ZDHHC17: variants seen among roughly 807,000 people sequenced by gnomAD.
ZDHHC17 encodes zDHHC palmitoyltransferase 17, also known as palmitoyltransferase ZDHHC17.
Under a neutral mutation model 90.3 loss-of-function variants are expected in ZDHHC17, and 40 were observed. The observed-to-expected ratio is 0.44, with a 90% CI of 0.34 to 0.58. The LOEUF (loss-of-function observed/expected upper bound fraction) is 0.58. ZDHHC17 is among the 20% of genes least tolerant of loss of function. ZDHHC17 has a pLI of 0.01. For synonymous variants in ZDHHC17, 235 were observed against 252.4 expected (o/e 0.93, Z 0.65); for missense variants, 614 against 780.8 (o/e 0.79, Z 2.55).
At chr12:76,850,398 A>T (rs1953549720) in intron 16 of ZDHHC17, among the ~76,000 whole-genome samples, 1 of 151,972 alleles carries the variant, frequency 6.6e-6, no homozygotes, top group Non-Finnish European at 1.5e-5. Context: ...CCTGCCAAAG[A>T]GCCACTAATT....
In ZDHHC17 at chr12:76,848,243, C is replaced by G; in HGVS notation, c.1518C>G (p.Leu506=). The part of the protein sequence containing the change: ...MIYGCISYWG[L]HCETTYTKDG... The stretch of plus-strand genomic sequence containing the variant: ...CTGTTCTGGCTTTAGACTGGGGACT[C>G]CACTGTGAGACCACTTACACCAAGG... Residue 506 remains leucine, a synonymous_variant, in exon 15 of 17, where the codon CTC becomes CTG. Coordinates refer to ENST00000426126, the MANE Select transcript of ZDHHC17 (RefSeq NM_015336.4). 1.2e-6 allele frequency: 2 copies of G among 1,613,824 alleles called. No individual in the cohort carries two copies. The highest frequency in any genetic ancestry group is 2.2e-5 in the East Asian group (1 of 44,856).
rs573456069 is a variant in ZDHHC17 at position 76,796,318 on chromosome 12, G to A, written c.94-1116G>A. 7.9e-5 allele frequency among the ~76,000 whole-genome samples: 12 copies of A among 152,168 alleles called. No homozygotes were observed. The South Asian group carries it at 2.5e-3, about 32-fold the overall frequency. ...TATCAGAAACACAGCATTTTCAACAGATGTTATTGGAACTGAACAAACTCA... is the reference window on the plus strand; with the variant it reads ...TATCAGAAACACAGCATTTTCAACAAATGTTATTGGAACTGAACAAACTCA... On this transcript the variant is annotated intron_variant, in intron 1 of 16. Coordinates refer to ENST00000426126, the MANE Select transcript of ZDHHC17 (RefSeq NM_015336.4).
intron 3 of ZDHHC17, among the ~76,000 whole-genome samples, chr12:76,806,315 G>T (rs756876147): frequency 6.6e-6 from 1 of 151,756 alleles, no homozygotes; most frequent in Non-Finnish European, 1.5e-5. Context: ...TTTTGTTCTC[G>T]TTGCCCAGGC....
At chr12:76,794,870 A>G (rs1952801285) in intron 1 of ZDHHC17, among the ~76,000 whole-genome samples, 1 of 152,174 alleles carries the variant, frequency 6.6e-6, no homozygotes, top group Non-Finnish European at 1.5e-5. Context: ...TATTCTATGA[A>G]TATTATTGGT....
At chr12:76,848,416 T>C (rs972941298) in intron 15 of ZDHHC17, 26 bp downstream of exon 15, 1 of 1,608,008 alleles carries the variant, frequency 6.2e-7, no homozygotes, top group African/African-American at 1.3e-5. Context: ...TTCTTTTTAG[T>C]GCACTAAGTG....
chr12:76,848,468 C>A, intron 15 of ZDHHC17, 78 bp downstream of exon 15: 1 of 1,411,408 alleles, frequency 7.1e-7, no homozygotes, highest in Admixed American at 2.2e-5. Context: ...AATATATTCT[C>A]TTCCTAACCA....
chr12:76,820,622 A>G (rs1331209485), intron 7 of ZDHHC17, among the ~76,000 whole-genome samples: 1 of 152,198 alleles, frequency 6.6e-6, no homozygotes, highest in East Asian at 1.9e-4. Flanking sequence ...AAATGAGGTA[A>G]GAAACTGTTT....
At chr12:76,845,545 TAAAC>T (rs1320447240) in intron 12 of ZDHHC17, 160 bp from the exon 13 acceptor site, 3 of 342,108 alleles carry the variant, frequency 8.8e-6, no homozygotes, top group Admixed American at 4.7e-5. Context: ...GAAATTTTAT[TAAAC>T]AATAGTGACT....
chr12:76,836,870 A>G (rs747949411), intron 10 of ZDHHC17, among the ~76,000 whole-genome samples: 2 of 152,184 alleles, frequency 1.3e-5, no homozygotes, highest in East Asian at 1.9e-4. Context: ...AATTCTTTCT[A>G]ATGAATTGAA....
At chr12:76,826,713 A>G (rs992024983) in intron 8 of ZDHHC17, among the ~76,000 whole-genome samples, 195 bp from the exon 9 acceptor site, 2 of 152,180 alleles carry the variant, frequency 1.3e-5, no homozygotes, top group Non-Finnish European at 2.9e-5. Flanking sequence ...CAATTTTAGC[A>G]AAGTTATTTA....
At chr12:76,766,154 G>A (rs1170581086) in intron 1 of ZDHHC17, among the ~76,000 whole-genome samples, 4 of 152,302 alleles carry the variant, frequency 2.6e-5, no homozygotes, top group African/African-American at 9.6e-5. Flanking sequence ...TTTAGCTACC[G>A]ATCTTCAGGT....
In ZDHHC17 at chr12:76,788,688, ATTTTTTTT is replaced by A. The variant is rs763269507; in HGVS notation, c.94-8727_94-8720del. 4.5e-4 allele frequency among the ~76,000 whole-genome samples: 44 copies of A among 98,668 alleles called. 4 individuals are homozygous for A. In the East Asian group the frequency reaches 6.2e-3, roughly 14 times the overall value. The allele number at this position is 98,668 out of a possible 152,430, so 64.7% of individuals were successfully genotyped here. A position where few individuals can be genotyped will look rare whatever the true frequency, so the allele number is the denominator to read the frequency against. ...AAAATATATTTAAGTTGGAATCGCA[ATTTTTTTT>A]TTTTTTTTTTTTTTTTTTGAGCAGA... On this transcript the variant is annotated intron_variant, in intron 1 of 16. Coordinates refer to ENST00000426126, the MANE Select transcript of ZDHHC17 (RefSeq NM_015336.4).
intron 9 of ZDHHC17, among the ~76,000 whole-genome samples, 169 bp from the exon 10 acceptor site, chr12:76,828,221 G>C (rs560694395): frequency 6.6e-6 from 1 of 152,086 alleles, no homozygotes; most frequent in Non-Finnish European, 1.5e-5. Flanking sequence ...GAGTCTTTCA[G>C]CTGTGAACTA....
intron 7 of ZDHHC17, among the ~76,000 whole-genome samples, chr12:76,817,029 A>G (rs542196016): frequency 6.6e-6 from 1 of 152,194 alleles, no homozygotes; most frequent in East Asian, 1.9e-4. Flanking sequence ...ATAGTGCCTG[A>G]TAAGCGATGG....
At chr12:76,800,386 G>T (rs1341078494) in intron 2 of ZDHHC17, among the ~76,000 whole-genome samples, 1 of 152,166 alleles carries the variant, frequency 6.6e-6, no homozygotes, top group African/African-American at 2.4e-5. Context: ...CTTAAGTTCT[G>T]TGTTTCCTTA....
rs974962992 is a variant in ZDHHC17, at chr12:76,851,680, G to A, written c.*695G>A. The A allele has an allele frequency of 1.3e-5, 2 of 152,658 alleles. No individual in the cohort carries two copies. The highest frequency in any genetic ancestry group is 4.8e-5 in the African/African-American group (2 of 41,444). The allele number at this position is 152,658 out of a possible 1,614,324, so 9.5% of individuals were successfully genotyped here. The stretch of plus-strand genomic sequence containing the variant: ...ATAATGAAGCACTTGCATGAGTATA[G>A]TAAGTCATGTTTTTTTGTTCAAATT... On this transcript the variant is annotated 3_prime_UTR_variant, in exon 17 of 17. Transcript: ENST00000426126.
intron 1 of ZDHHC17, among the ~76,000 whole-genome samples, chr12:76,784,579 A>C (rs929841897): frequency 1.1e-4 from 16 of 152,234 alleles, no homozygotes; most frequent in African/African-American, 3.9e-4. Context: ...ACAGGGTGGA[A>C]GATTAACAGC....
rs1381371644 is a variant in ZDHHC17, at chr12:76,764,516, G to T, written c.93+187G>T. ...AACGGGGGAGGAGATAGCGGGGCGG[G>T]CCCGACCGGGGCGGGCTCTGGGACG... On this transcript the variant is annotated intron_variant, in intron 1 of 16. Coordinates refer to ENST00000426126, the MANE Select transcript of ZDHHC17 (RefSeq NM_015336.4). 3 of 608,124 alleles carry T rather than the reference G, an allele frequency of 4.9e-6. No individual in the cohort carries two copies. In the East Asian group the frequency reaches 8.4e-5, roughly 17 times the overall value. The allele number at this position is 608,124 out of a possible 1,614,324, so 37.7% of individuals were successfully genotyped here. A position where few individuals can be genotyped will look rare whatever the true frequency, so the allele number is the denominator to read the frequency against.
At chr12:76,820,197 C>T (rs985492785) in intron 7 of ZDHHC17, among the ~76,000 whole-genome samples, 3 of 151,896 alleles carry the variant, frequency 2.0e-5, no homozygotes, top group African/African-American at 7.3e-5. Context: ...CAGCATTCTT[C>T]TGGGAGGAAG....
Sources: allele counts gnomAD v4.1 joint callset (sites outside exome capture counted in the v4.1 genomes callset), GRCh38; gene constraint gnomAD v4.1.1; transcripts MANE v1.5; gene names NCBI Gene and HGNC (gene_info 2026-07-23, HGNC 2026-07-21).